The following FLT1 variants were observed in gnomAD, a reference collection of about 807,000 sequenced individuals.
FLT1 encodes fms related receptor tyrosine kinase 1.
FLT1 carries 49 observed loss-of-function variants against 156.3 expected under a neutral mutation model. The ratio of observed to expected loss-of-function variants is 0.31; its 90% CI spans 0.25 to 0.40. The LOEUF (loss-of-function observed/expected upper bound fraction) is 0.40. Among genes scored for constraint, FLT1 ranks in the 10% least tolerant of loss-of-function variants. FLT1 has a pLI of 1.00. For missense variants in FLT1, 1,322 were observed against 1,637.2 expected (o/e 0.81, Z 3.32); for synonymous variants, 594 against 583.8 (o/e 1.02, Z -0.25).
chr13:28,339,996 C>A (rs1872269113), intron 16 of FLT1, among the ~76,000 whole-genome samples: 1 of 152,084 alleles, frequency 6.6e-6, no homozygotes, highest in Admixed American at 6.5e-5. Flanking sequence ...GGGTGGATCA[C>A]CTGAGGTTAG....
chr13:28,427,777 G>T lies in FLT1; in HGVS notation c.1251C>A (p.Asn417Lys). The change falls in exon 9 of 30, where the codon AAC becomes AAA. Residue 417 changes from asparagine (N) to lysine (K), a missense_variant. Coordinates refer to ENST00000282397, the MANE Select transcript of FLT1 (RefSeq NM_002019.4). ...LSIKQSNVFK[N>K]LTATLIVNVK... is the part of the protein sequence containing the mutation. ...CATTGACAATTAGAGTGGCAGTGAGGTTTTTAAACACATTTGACTGTTTTA... is the reference window on the plus strand; with the variant it reads ...CATTGACAATTAGAGTGGCAGTGAGTTTTTTAAACACATTTGACTGTTTTA... The T allele has an allele frequency of 6.2e-7, 1 of 1,613,920 alleles. No individual in the cohort carries two copies. Among genetic ancestry groups the T allele is most frequent in the Non-Finnish European group, 8.5e-7 (1 of 1,179,846 alleles).
chr13:28,438,193 T>C (rs745331903), intron 4 of FLT1, 28 bp downstream of exon 4: 3 of 1,608,236 alleles, frequency 1.9e-6, no homozygotes, highest in Non-Finnish European at 2.6e-6. Context: ...AGTGAAAGTA[T>C]GCTGAGAATA....
At chr13:28,485,603 A>T (rs1030365898) in intron 1 of FLT1, among the ~76,000 whole-genome samples, 1 of 152,168 alleles carries the variant, frequency 6.6e-6, no homozygotes, top group Non-Finnish European at 1.5e-5. Context: ...AGCAAACATG[A>T]AGTGTTACAC....
intron 15 of FLT1, among the ~76,000 whole-genome samples, chr13:28,351,945 C>G (rs1013925953): frequency 6.6e-6 from 1 of 152,126 alleles, no homozygotes; most frequent in Non-Finnish European, 1.5e-5. Flanking sequence ...TGTGTTAATC[C>G]TTACAACAAG....
chr13:28,452,822 C>T (rs1157906217), intron 3 of FLT1, among the ~76,000 whole-genome samples: 1 of 151,786 alleles, frequency 6.6e-6, no homozygotes, highest in African/African-American at 2.4e-5. Context: ...TTACTTCATG[C>T]TCACAACCCT....
At chr13:28,361,030 G>A (rs1479475343) in intron 14 of FLT1, among the ~76,000 whole-genome samples, 1 of 152,172 alleles carries the variant, frequency 6.6e-6, no homozygotes, top group Non-Finnish European at 1.5e-5. Context: ...TGTAATCCCA[G>A]CACTTGTGGG....
intron 15 of FLT1, among the ~76,000 whole-genome samples, chr13:28,356,132 G>A (rs2138871024): frequency 6.6e-6 from 1 of 152,270 alleles, no homozygotes; most frequent in East Asian, 1.9e-4. Context: ...TTTCTCCTCT[G>A]GTCTGCCATG....
intron 10 of FLT1, among the ~76,000 whole-genome samples, chr13:28,421,584 G>GT (rs1476619573): frequency 2.9e-4 from 3 of 10,240 alleles, no homozygotes; most frequent in Non-Finnish European, 7.2e-4. Flanking sequence ...CACAGAGTCA[G>GT]TTTTGTATCA....
intron 28 of FLT1, 54 bp from the exon 29 acceptor site, chr13:28,306,826 G>C (rs1870773454): frequency 1.7e-6 from 2 of 1,197,958 alleles, no homozygotes; most frequent in Non-Finnish European, 2.5e-6. Flanking sequence ...GGGGGTCCAT[G>C]CTGAGCCTGA....
Position 28,434,055 on chromosome 13 carries a change from T to C in FLT1, c.676+3A>G. The C allele has an allele frequency of 6.2e-7, 1 of 1,614,200 alleles. No individual in the cohort carries two copies. Among genetic ancestry groups the C allele is most frequent in the East Asian group, 2.2e-5 (1 of 44,882 alleles). On this transcript the variant is annotated splice_donor_region_variant and intron_variant, in intron 5 of 29. Coordinates refer to ENST00000282397, the MANE Select transcript of FLT1 (RefSeq NM_002019.4). ...ATGTTCATGCCTTTGAAGCATCACT[T>C]ACTTTGTCGATGTGTGAGATAGTTT...
chr13:28,458,739 G>A (rs923815337), intron 3 of FLT1, among the ~76,000 whole-genome samples: 10 of 152,212 alleles, frequency 6.6e-5, no homozygotes, highest in African/African-American at 2.4e-4. Flanking sequence ...TATCAAGAAT[G>A]TCTTCCATCC....
intron 1 of FLT1, among the ~76,000 whole-genome samples, chr13:28,471,131 A>C (rs1203938896): frequency 6.6e-6 from 1 of 152,260 alleles, no homozygotes; most frequent in East Asian, 1.9e-4. Context: ...TATTCTAAAA[A>C]AAAGCGTTGC....
At chr13:28,348,072 A>G (rs543963005) in intron 15 of FLT1, among the ~76,000 whole-genome samples, 1 of 152,138 alleles carries the variant, frequency 6.6e-6, no homozygotes, top group East Asian at 1.9e-4. Context: ...GTGGAAACTG[A>G]TATTTTCTCT....
intron 15 of FLT1, 83 bp downstream of exon 15, chr13:28,357,471 G>A: frequency 7.2e-7 from 1 of 1,393,682 alleles, no homozygotes; most frequent in Non-Finnish European, 1.0e-6. Flanking sequence ...GCAGGCAGCA[G>A]GAGACTGGGA....
At chr13:28,472,058 A>G (rs1468359845) in intron 1 of FLT1, among the ~76,000 whole-genome samples, 1 of 152,146 alleles carries the variant, frequency 6.6e-6, no homozygotes, top group Non-Finnish European at 1.5e-5. Flanking sequence ...ATCTTATCTG[A>G]GTCTTTTCTT....
intron 3 of FLT1, among the ~76,000 whole-genome samples, chr13:28,440,620 G>A (rs1284983657): frequency 6.6e-6 from 1 of 152,104 alleles, no homozygotes; most frequent in African/African-American, 2.4e-5. Context: ...CAGGCTTTGG[G>A]GCAGGCTTTG....
chr13:28,379,284 A>G (rs1873975779), intron 14 of FLT1, among the ~76,000 whole-genome samples: 1 of 152,192 alleles, frequency 6.6e-6, no homozygotes, highest in Non-Finnish European at 1.5e-5. Flanking sequence ...CAGTGAGCCA[A>G]GATTGTGCCA....
chr13:28,487,221 TAATGTAG>T (rs1211031089), intron 1 of FLT1, among the ~76,000 whole-genome samples: 1 of 152,216 alleles, frequency 6.6e-6, no homozygotes, highest in Non-Finnish European at 1.5e-5. Flanking sequence ...CAGATTATTC[TAATGTAG>T]AGCCCAGGCT....
intron 1 of FLT1, among the ~76,000 whole-genome samples, chr13:28,471,577 A>T: frequency 6.6e-6 from 1 of 152,190 alleles, no homozygotes; most frequent in Non-Finnish European, 1.5e-5. Context: ...CCATAAACAC[A>T]TGCATAGTCA....
Sources: allele counts gnomAD v4.1 joint callset (sites outside exome capture counted in the v4.1 genomes callset), GRCh38; gene constraint gnomAD v4.1.1; transcripts MANE v1.5; gene names NCBI Gene and HGNC (gene_info 2026-07-23, HGNC 2026-07-21).